NPL: variants seen among roughly 807,000 people sequenced by gnomAD.
NPL encodes the protein N-acetylneuraminate lyase.
In NPL, 32 loss-of-function variants were observed where a neutral mutation model predicts 41.1. The ratio of observed to expected loss-of-function variants is 0.78; its 90% CI spans 0.59 to 1.05. The LOEUF is 1.05. Among genes scored for constraint, NPL ranks in the 50% least tolerant of loss-of-function variants. The pLI, the probability that NPL is intolerant of heterozygous loss-of-function variation, is 0.00. For synonymous variants in NPL, 128 were observed against 134.9 expected (o/e 0.95, Z 0.35); for missense variants, 321 against 378.4 (o/e 0.85, Z 1.26).
chr1:182,800,173 C>T (rs1046819207), intron 3 of NPL, among the ~76,000 whole-genome samples: 1 of 152,000 alleles, frequency 6.6e-6, no homozygotes, highest in Non-Finnish European at 1.5e-5. Flanking sequence ...TGATGGCTCA[C>T]ACCTGTAATT....
chr1:182,797,428 G>A (rs954867036), intron 3 of NPL, among the ~76,000 whole-genome samples: 6 of 152,142 alleles, frequency 3.9e-5, no homozygotes, highest in African/African-American at 1.2e-4. Context: ...ATTCTTTAGC[G>A]CATTAAAGTC....
chr1:182,829,626 A>T lies in NPL; in HGVS notation c.*718A>T, dbSNP rs763969582. On this transcript the variant is annotated 3_prime_UTR_variant, in exon 13 of 13. Coordinates refer to ENST00000367553, the MANE Select transcript of NPL (RefSeq NM_030769.3). Reference sequence around the variant, plus strand: ...AGAAAACTCAAAACTCAAAGTTTCAAAGAACCAAAGGACTCTTCCTCTGGG... The same window carrying T: ...AGAAAACTCAAAACTCAAAGTTTCATAGAACCAAAGGACTCTTCCTCTGGG... 6.4e-7 allele frequency: 1 copy of T among 1,550,650 alleles called. No individual in the cohort carries two copies. The highest frequency in any genetic ancestry group is 8.7e-7 in the Non-Finnish European group (1 of 1,146,804).
intron 5 of NPL, among the ~76,000 whole-genome samples, chr1:182,809,636 G>T (rs1393947113): frequency 6.6e-6 from 1 of 152,028 alleles, no homozygotes; most frequent in Non-Finnish European, 1.5e-5. Context: ...GGGAGTCTGT[G>T]TGTGAAAGCT....
At chr1:182,806,766 T>C (rs10911137) in intron 5 of NPL, among the ~76,000 whole-genome samples, 3,440 of 152,256 alleles carry the variant, frequency 0.023, 129 homozygotes, top group African/African-American at 0.078. Flanking sequence ...TAACACCCAA[T>C]TCATGCCATG....
At chr1:182,794,231 T>C in intron 2 of NPL, 125 bp from the exon 3 acceptor site, 2 of 855,300 alleles carry the variant, frequency 2.3e-6, no homozygotes, top group South Asian at 2.7e-5. Context: ...ATCTTGTACT[T>C]GCTCTGTGTG....
chr1:182,811,798 G>A (rs3818805), intron 5 of NPL, among the ~76,000 whole-genome samples: 13,973 of 152,184 alleles, frequency 0.092, 1,037 homozygotes, highest in African/African-American at 0.19. Context: ...TCTAAATGAA[G>A]TCATTGCAGA....
At chr1:182,809,226 G>A (rs1301568080) in intron 5 of NPL, 2 of 453,568 alleles carry the variant, frequency 4.4e-6, no homozygotes, top group South Asian at 3.1e-5. Flanking sequence ...ACAACCCAAA[G>A]TAGACGGAGT....
chr1:182,810,953 C>A (rs550690148), intron 5 of NPL, among the ~76,000 whole-genome samples: 8 of 152,144 alleles, frequency 5.3e-5, no homozygotes, highest in Non-Finnish European at 1.2e-4. Context: ...AAGACTCTAA[C>A]TCTGGGATAT....
intron 11 of NPL, among the ~76,000 whole-genome samples, chr1:182,823,760 A>G (rs1447768729): frequency 1.3e-5 from 2 of 152,192 alleles, no homozygotes; most frequent in Non-Finnish European, 2.9e-5. Context: ...GACTTCTCTT[A>G]TTGGTTAATC....
intron 7 of NPL, among the ~76,000 whole-genome samples, chr1:182,815,437 A>G (rs112672145): frequency 0.028 from 4,212 of 152,312 alleles, 132 homozygotes; most frequent in African/African-American, 0.071. Flanking sequence ...AAAAACAGAC[A>G]TTATTTGCCT....
At chr1:182,820,290 A>G (rs917304503) in intron 10 of NPL, among the ~76,000 whole-genome samples, 2 of 152,246 alleles carry the variant, frequency 1.3e-5, no homozygotes, top group East Asian at 3.8e-4. Context: ...AGCAGATTGA[A>G]TGAAATTTTT....
Position 182,814,731 on chromosome 1 carries a change from G to A in NPL, c.289-52G>A. The A allele has an allele frequency of 2.8e-6, 4 of 1,403,582 alleles. No homozygotes were observed. In the South Asian group the frequency reaches 4.6e-5, roughly 16 times the overall value. 86.9% of individuals were successfully genotyped at this position (1,403,582 alleles called of 1,614,324 possible). On this transcript the variant is annotated intron_variant, in intron 6 of 12. Coordinates refer to ENST00000367553, the MANE Select transcript of NPL (RefSeq NM_030769.3). ...ACTGATCTTAGTATCTAAGCTATAG[G>A]TGACTATAGTAAATCACTTGCTCCA...
At chr1:182,822,298 G>T (rs1557953015) in intron 11 of NPL, 99 bp downstream of exon 11, 5 of 802,448 alleles carry the variant, frequency 6.2e-6, no homozygotes, top group South Asian at 2.9e-5. Context: ...CATTAAAATT[G>T]CCCAGCCACT....
Position 182,806,189 on chromosome 1 carries a change from C to G in NPL, c.187C>G (p.Arg63Gly). 2 of 1,614,152 alleles carry G rather than the reference C, an allele frequency of 1.2e-6. No individual in the cohort carries two copies. Among genetic ancestry groups the G allele is most frequent in the Non-Finnish European group, 1.7e-6 (2 of 1,180,020 alleles). Residue 63 changes from arginine to glycine, a missense_variant, in exon 5 of 13, where the codon CGT (arginine) becomes GGT (glycine). By Grantham distance (125) the Arg-to-Gly change is moderately radical. Coordinates refer to ENST00000367553, the MANE Select transcript of NPL (RefSeq NM_030769.3). ...GEGLSLSVSE[R>G]RQVAEEWVTK... is the part of the protein sequence containing the mutation. ...AGGCCTGTCCCTGAGCGTCTCAGAG[C>G]GTCGCCAGGTTGCAGAGGAGTGGGT...
chr1:182,811,794 T>G (rs533944415), intron 5 of NPL, among the ~76,000 whole-genome samples: 37 of 152,280 alleles, frequency 2.4e-4, no homozygotes, highest in Middle Eastern at 3.4e-3. Flanking sequence ...TGGCTCTAAA[T>G]GAAGTCATTG....
intron 5 of NPL, among the ~76,000 whole-genome samples, chr1:182,808,320 A>G (rs1450222339): frequency 6.6e-6 from 1 of 152,150 alleles, no homozygotes; most frequent in African/African-American, 2.4e-5. Context: ...GATGCCATGA[A>G]AGTCAGCACA....
intron 4 of NPL, among the ~76,000 whole-genome samples, 177 bp from the exon 5 acceptor site, chr1:182,805,968 T>A (rs1257665938): frequency 1.3e-5 from 2 of 152,202 alleles, no homozygotes; most frequent in Non-Finnish European, 2.9e-5. Context: ...ACCTTCCCAC[T>A]GCCTTTGACA....
At chr1:182,815,001 A>C in intron 7 of NPL, 143 bp downstream of exon 7, 1 of 683,918 alleles carries the variant, frequency 1.5e-6, no homozygotes, top group Non-Finnish European at 2.6e-6. Flanking sequence ...GTTCTCTGAA[A>C]TATTTGCTCT....
rs567447194 is a variant in NPL at position 182,799,301 on chromosome 1, A to G, written c.69-4397A>G. Among the ~76,000 whole-genome samples, 4 of 152,372 alleles carry G rather than the reference A, an allele frequency of 2.6e-5. No homozygotes were observed. The South Asian group carries it at 8.3e-4, about 32-fold the overall frequency. On this transcript the variant is annotated intron_variant, in intron 3 of 12. Coordinates refer to ENST00000367553, the MANE Select transcript of NPL (RefSeq NM_030769.3). ...CTAAAAACAGACAATTAGAAAAAGG[A>G]ATTAGAACAGACAATTAGAAAAAGT...
Sources: gnomAD v4.1 joint callset for allele counts (sites outside exome capture counted in the v4.1 genomes callset) on GRCh38, gnomAD v4.1.1 for gene constraint, MANE v1.5 for transcripts, NCBI Gene and HGNC (gene_info 2026-07-23, HGNC 2026-07-21) for gene names.